Variants in ABTB3 observed in about 807,000 individuals in gnomAD.
ABTB3 encodes ankyrin repeat- and BTB/POZ domain-containing protein 3.
chr12:107,536,274 A>G, the ABTB3 span, among the ~76,000 whole-genome samples: 1 of 152,212 alleles, frequency 6.6e-6, no homozygotes, highest in South Asian at 2.1e-4. Flanking sequence ...CAAGGCCTGA[A>G]ATGTAAAAAT....
the ABTB3 span, among the ~76,000 whole-genome samples, chr12:107,507,775 T>C: frequency 1.3e-5 from 2 of 152,164 alleles, no homozygotes; most frequent in Non-Finnish European, 2.9e-5. Context: ...TGCCCTCCTC[T>C]TCCCCACCCC....
the ABTB3 span, among the ~76,000 whole-genome samples, chr12:107,321,189 G>A: frequency 6.6e-6 from 1 of 152,236 alleles, no homozygotes; most frequent in African/African-American, 2.4e-5. Flanking sequence ...GAGCTGAAAT[G>A]CAGTCTTTCT....
chr12:107,650,256 A>G, the ABTB3 span: 1 of 152,260 alleles, frequency 6.6e-6, no homozygotes, highest in Non-Finnish European at 1.5e-5. Flanking sequence ...GGGGATAACT[A>G]TCTACCTCAC....
the ABTB3 span, among the ~76,000 whole-genome samples, chr12:107,609,079 C>T: frequency 3.3e-5 from 5 of 152,188 alleles, no homozygotes; most frequent in East Asian, 3.8e-4. Flanking sequence ...CTCTGCCTGG[C>T]GGCTTCCTTG....
At chr12:107,561,129 C>T in the ABTB3 span, among the ~76,000 whole-genome samples, 1 of 152,146 alleles carries the variant, frequency 6.6e-6, no homozygotes, top group Admixed American at 6.6e-5. Context: ...CTGGAGCAAG[C>T]TCTTTTTGCA....
the ABTB3 span, among the ~76,000 whole-genome samples, chr12:107,358,276 G>A: frequency 0.24 from 37,099 of 152,168 alleles, 5,481 homozygotes; most frequent in South Asian, 0.39. Context: ...TTTTTGCTGG[G>A]GTGGCAGGAG....
chr12:107,649,110 A>G, the ABTB3 span: 4 of 1,056,146 alleles, frequency 3.8e-6, no homozygotes, highest in Middle Eastern at 8.7e-4. Context: ...GATGTCCTAG[A>G]GGTCTCAGGA....
the ABTB3 span, among the ~76,000 whole-genome samples, chr12:107,343,041 A>T: frequency 6.6e-6 from 1 of 151,862 alleles, no homozygotes; most frequent in African/African-American, 2.4e-5. Context: ...TAGAGACAGG[A>T]TCTCATTCTG....
chr12:107,468,777 C>T, the ABTB3 span, among the ~76,000 whole-genome samples: 2 of 152,022 alleles, frequency 1.3e-5, no homozygotes, highest in Admixed American at 6.6e-5. Flanking sequence ...CTGATGATGT[C>T]GAGTGCTATG....
At chr12:107,608,956 T>TA in the ABTB3 span, among the ~76,000 whole-genome samples, 1 of 66,322 alleles carries the variant, frequency 1.5e-5, no homozygotes, top group Admixed American at 1.8e-4. Flanking sequence ...TAAAATAAAA[T>TA]ATAAAATAAA....
At chr12:107,376,704 G>A in the ABTB3 span, among the ~76,000 whole-genome samples, 2 of 151,540 alleles carry the variant, frequency 1.3e-5, no homozygotes, top group South Asian at 4.2e-4. Context: ...TACTGCTGTG[G>A]CCCAGAGCAA....
the ABTB3 span, among the ~76,000 whole-genome samples, chr12:107,410,682 G>C: frequency 6.6e-6 from 1 of 152,170 alleles, no homozygotes; most frequent in Non-Finnish European, 1.5e-5. Context: ...TGAAGGACTG[G>C]AAGGAGAAAG....
chr12:107,504,740 T>C, the ABTB3 span, among the ~76,000 whole-genome samples: 2 of 152,210 alleles, frequency 1.3e-5, no homozygotes, highest in East Asian at 3.9e-4. Flanking sequence ...GTCTCCACTA[T>C]AGAGGGTATC....
chr12:107,343,351 T>C, the ABTB3 span, among the ~76,000 whole-genome samples: 1 of 152,182 alleles, frequency 6.6e-6, no homozygotes, highest in African/African-American at 2.4e-5. Context: ...TGCTCTCTGC[T>C]CAATGAAGAT....
the ABTB3 span, among the ~76,000 whole-genome samples, chr12:107,338,496 A>G: frequency 6.6e-6 from 1 of 152,196 alleles, no homozygotes. Flanking sequence ...ATTCCACTCC[A>G]GTGCTCTTTC....
the ABTB3 span, among the ~76,000 whole-genome samples, chr12:107,431,491 C>G: frequency 6.7e-6 from 1 of 150,208 alleles, no homozygotes; most frequent in African/African-American, 2.5e-5. Context: ...TGTCTGTAAT[C>G]CCAGCTACTC....
chr12:107,611,988 A>G, the ABTB3 span, among the ~76,000 whole-genome samples: 2 of 147,550 alleles, frequency 1.4e-5, no homozygotes, highest in African/African-American at 5.4e-5. Context: ...GATTTCTTCC[A>G]TTCCTTTTAT....
chr12:107,408,086 C>T, the ABTB3 span, among the ~76,000 whole-genome samples: 8 of 152,046 alleles, frequency 5.3e-5, no homozygotes, highest in East Asian at 1.2e-3. Flanking sequence ...GGTCTCTTGC[C>T]GTGTATTGTA....
At chr12:107,424,285 A>G in the ABTB3 span, among the ~76,000 whole-genome samples, 1 of 152,150 alleles carries the variant, frequency 6.6e-6, no homozygotes, top group Non-Finnish European at 1.5e-5. Context: ...GGAAATTCGA[A>G]GTGTTTACTA....
Sources: gnomAD v4.1 joint callset for allele counts (sites outside exome capture counted in the v4.1 genomes callset) on GRCh38, gnomAD v4.1.1 for gene constraint, MANE v1.5 for transcripts, NCBI Gene and HGNC (gene_info 2026-07-23, HGNC 2026-07-21) for gene names.